Variants in PACRG observed in about 807,000 individuals in gnomAD.
The protein encoded by PACRG is parkin coregulated, also known as parkin coregulated gene protein.
A neutral mutation model predicts 29.7 loss-of-function variants in PACRG; 29 were observed. The ratio of observed to expected loss-of-function variants is 0.98; its 90% CI spans 0.73 to 1.33. The LOEUF (loss-of-function observed/expected upper bound fraction) is 1.33, where lower values mean the gene tolerates loss of function less well. Among genes scored for constraint, PACRG ranks in the 40% most tolerant of loss-of-function variants. The pLI is 0.00. For missense variants in PACRG, 279 were observed against 316.2 expected (o/e 0.88, Z 0.89); for synonymous variants, 116 against 118.7 (o/e 0.98, Z 0.15).
intron 4 of PACRG, among the ~76,000 whole-genome samples, chr6:163,219,351 C>A (rs577373805): frequency 6.7e-4 from 102 of 152,166 alleles, no homozygotes; most frequent in Non-Finnish European, 1.1e-3. Context: ...CCCTCACAAC[C>A]CACCTTAAAG....
chr6:162,968,629 T>C (rs1801250219), intron 2 of PACRG, among the ~76,000 whole-genome samples: 1 of 152,124 alleles, frequency 6.6e-6, no homozygotes, highest in Admixed American at 6.5e-5. Context: ...AGCCTAGTAA[T>C]GAAGGAACCA....
chr6:162,886,476 G>T (rs1031533417), intron 2 of PACRG, among the ~76,000 whole-genome samples: 2 of 152,162 alleles, frequency 1.3e-5, no homozygotes, highest in Admixed American at 1.3e-4. Flanking sequence ...ACAATCACAT[G>T]GCACGCGTCT....
At chr6:163,058,193 A>G (rs980215120) in intron 2 of PACRG, among the ~76,000 whole-genome samples, 2 of 152,168 alleles carry the variant, frequency 1.3e-5, no homozygotes, top group Admixed American at 1.3e-4. Flanking sequence ...TTGACTCTTC[A>G]TCAATCAGAG....
intron 2 of PACRG, among the ~76,000 whole-genome samples, chr6:162,911,500 G>A (rs779594415): frequency 6.6e-6 from 1 of 152,134 alleles, no homozygotes; most frequent in Non-Finnish European, 1.5e-5. Context: ...AAAATATATT[G>A]AGTGAAATAG....
At chr6:163,268,341 G>A (rs932874153) in intron 4 of PACRG, among the ~76,000 whole-genome samples, 29 of 151,446 alleles carry the variant, frequency 1.9e-4, no homozygotes, top group African/African-American at 6.8e-4. Context: ...GGCAGAGCTT[G>A]CAGTGAGCCA....
chr6:162,769,361 G>A (rs985812337), intron 1 of PACRG, among the ~76,000 whole-genome samples: 2 of 151,776 alleles, frequency 1.3e-5, no homozygotes, highest in Non-Finnish European at 2.9e-5. Context: ...TAATACCGGG[G>A]ACAAACGTTA....
In PACRG at chr6:162,944,865, G is replaced by T. The variant is rs186425636; in HGVS notation, c.292-117285G>T. ...GTGTCCAAATATTTGAAATTTTGGT[G>T]TACCAGAAGGTGAAGAAAAAAACAA... On this transcript the variant is annotated intron_variant, in intron 2 of 4. Coordinates refer to ENST00000366888, the MANE Select transcript of PACRG (RefSeq NM_001080379.2). Among the ~76,000 whole-genome samples the T allele has an allele frequency of 8.0e-4, 122 of 152,034 alleles. 1 individual carries two copies. The highest frequency in any genetic ancestry group is 7.0e-3 in the Admixed American group (107 of 15,256).
chr6:163,295,570 A>AT (rs567133152), intron 4 of PACRG, among the ~76,000 whole-genome samples: 95 of 152,322 alleles, frequency 6.2e-4, no homozygotes, highest in African/African-American at 2.0e-3. Flanking sequence ...AGAAAGTAAC[A>AT]TTTTTTAGCA....
At chr6:163,271,718 G>A (rs991810581) in intron 4 of PACRG, among the ~76,000 whole-genome samples, 1 of 152,078 alleles carries the variant, frequency 6.6e-6, no homozygotes, top group South Asian at 2.1e-4. Context: ...TCCAAACATC[G>A]ATTATTGGTC....
At position 163,076,926 on chromosome 6, in the gene PACRG, T is replaced by C. The variant is rs77699168; in HGVS notation, c.464-12333T>C. On this transcript the variant is annotated intron_variant, in intron 3 of 4. Coordinates refer to ENST00000366888, the MANE Select transcript of PACRG (RefSeq NM_001080379.2). ...TCACTTAGAACATAATGTTAGAAAG[T>C]AATACATCCCCACAGCATCTAATGT... is the stretch of plus-strand genomic sequence containing the variant. Among the ~76,000 whole-genome samples the C allele has an allele frequency of 7.6e-3, 1,164 of 152,262 alleles. 42 individuals are homozygous for C. In the East Asian group the frequency reaches 0.11, roughly 14 times the overall value.
chr6:163,007,524 T>C (rs1417559031), intron 2 of PACRG, among the ~76,000 whole-genome samples: 1 of 152,132 alleles, frequency 6.6e-6, no homozygotes, highest in Non-Finnish European at 1.5e-5. Context: ...TGAGACACCC[T>C]ACTCTGTCTC....
At chr6:163,095,299 CTG>C (rs1225688289) in intron 4 of PACRG, 2 of 985,170 alleles carry the variant, frequency 2.0e-6, no homozygotes, top group African/African-American at 3.5e-5. Flanking sequence ...CAGTCACAAA[CTG>C]TAAATTACGT....
chr6:163,156,054 G>A (rs1474820086), intron 4 of PACRG, among the ~76,000 whole-genome samples: 1 of 152,164 alleles, frequency 6.6e-6, no homozygotes, highest in Admixed American at 6.5e-5. Flanking sequence ...CTCTCCTGAG[G>A]AAGCCCTCGC....
At chr6:163,076,857 T>G in intron 3 of PACRG, among the ~76,000 whole-genome samples, 1 of 152,108 alleles carries the variant, frequency 6.6e-6, no homozygotes. Flanking sequence ...CTATCCCCAC[T>G]CTGCCTTCCC....
chr6:162,908,956 C>G (rs999553103), intron 2 of PACRG, among the ~76,000 whole-genome samples: 1 of 152,176 alleles, frequency 6.6e-6, no homozygotes, highest in Non-Finnish European at 1.5e-5. Flanking sequence ...TCCATGGCTG[C>G]CAGAGTGACC....
chr6:162,794,778 G>T (rs1406127528), intron 1 of PACRG, among the ~76,000 whole-genome samples: 1 of 152,102 alleles, frequency 6.6e-6, no homozygotes, highest in Non-Finnish European at 1.5e-5. Context: ...CACCTGTTCT[G>T]TACCATGTAC....
At position 163,107,036 on chromosome 6, in the gene PACRG, C is replaced by T. The variant is rs972195084; in HGVS notation, c.613+17628C>T. Reference sequence around the variant, plus strand: ...GAAAGTCATTCTGTCTAAATTAGGGCATGGTGGATCTTCAGCTTGAATGTT... The same window carrying T: ...GAAAGTCATTCTGTCTAAATTAGGGTATGGTGGATCTTCAGCTTGAATGTT... On this transcript the variant is annotated intron_variant, in intron 4 of 4. Coordinates refer to ENST00000366888, the MANE Select transcript of PACRG (RefSeq NM_001080379.2). 3.3e-5 allele frequency among the ~76,000 whole-genome samples: 5 copies of T among 151,980 alleles called. No homozygotes were observed. The East Asian group carries it at 7.7e-4, about 23-fold the overall frequency.
intron 2 of PACRG, among the ~76,000 whole-genome samples, chr6:163,046,322 G>A (rs574048963): frequency 3.6e-4 from 36 of 99,362 alleles, no homozygotes; most frequent in African/African-American, 1.1e-3. Flanking sequence ...TTTTTTCCAC[G>A]TAGCCTTGGT....
chr6:163,167,991 T>G (rs547016821), intron 4 of PACRG, among the ~76,000 whole-genome samples: 1 of 152,334 alleles, frequency 6.6e-6, no homozygotes, highest in South Asian at 2.1e-4. Flanking sequence ...AACATAGTAT[T>G]TTTTGCTGCG....
Sources: allele counts gnomAD v4.1 joint callset (sites outside exome capture counted in the v4.1 genomes callset), GRCh38; gene constraint gnomAD v4.1.1; transcripts MANE v1.5; gene names NCBI Gene and HGNC (gene_info 2026-07-23, HGNC 2026-07-21).